SIDT1: variants seen among roughly 807,000 people sequenced by gnomAD.
SIDT1 encodes the protein SID1 transmembrane family, member 1.
A neutral mutation model predicts 107.5 loss-of-function variants in SIDT1; 101 were observed. The ratio of observed to expected loss-of-function variants is 0.94; its 90% CI spans 0.80 to 1.11. The LOEUF (loss-of-function observed/expected upper bound fraction) is 1.11, where lower values mean the gene tolerates loss of function less well. SIDT1 is among the 50% of genes least tolerant of loss of function. The probability of loss-of-function intolerance (pLI) is 0.00; values close to 1 mark genes in which losing one functional copy is unlikely to be tolerated. For missense variants in SIDT1, 1,076 were observed against 1,058.2 expected, an observed-to-expected ratio of 1.02 and a Z score of -0.23; for synonymous variants, 395 against 398.2, an observed-to-expected ratio of 0.99 and a Z score of 0.10.
intron 1 of SIDT1, among the ~76,000 whole-genome samples, chr3:113,543,216 C>T (rs1939148436): frequency 6.6e-6 from 1 of 152,230 alleles, no homozygotes; most frequent in East Asian, 1.9e-4. Context: ...GCTGAGATTA[C>T]AGGTGTGAGC....
intron 19 of SIDT1, chr3:113,612,477 G>A: frequency 1.9e-6 from 1 of 514,036 alleles, no homozygotes; most frequent in Non-Finnish European, 3.8e-6. Context: ...ACACTTTACA[G>A]TCTGCCAAAC....
intron 9 of SIDT1, chr3:113,592,660 T>C (rs993812427): frequency 1.1e-5 from 3 of 262,598 alleles, no homozygotes. Context: ...TGATCTCAGC[T>C]CACTGCAACC....
At chr3:113,593,176 T>A (rs1944299033) in intron 10 of SIDT1, 128 bp downstream of exon 10, 3 of 816,464 alleles carry the variant, frequency 3.7e-6, no homozygotes, top group South Asian at 2.8e-5. Flanking sequence ...TCCCGCAGAG[T>A]AGTCTAGCCT....
intron 9 of SIDT1, chr3:113,592,691 A>C: frequency 3.3e-6 from 1 of 302,434 alleles, no homozygotes; most frequent in Non-Finnish European, 6.4e-6. Flanking sequence ...GGGTTCAAGC[A>C]ATTCTCCTGC....
intron 9 of SIDT1, among the ~76,000 whole-genome samples, chr3:113,589,477 C>T (rs1202707379): frequency 6.6e-6 from 1 of 151,806 alleles, no homozygotes; most frequent in East Asian, 1.9e-4. Flanking sequence ...GGAACTTCAC[C>T]ACAGCCTCTT....
chr3:113,585,238 A>G lies in SIDT1; in HGVS notation c.969A>G (p.Gly323=). Residue 323 remains glycine, a synonymous_variant, in exon 9 of 25, where the codon GGA becomes GGG. Transcript: ENST00000264852. ...TCATCTTCCTGTCCTTCTACTTGGG[A>G]TGCCTTCTTGTTGGGTTTGTTCATT... ...SVFIFLSFYL[G]CLLVGFVHYL... 6.2e-7 allele frequency: 1 copy of G among 1,613,268 alleles called. No homozygotes were observed.
chr3:113,617,526 T>C (rs368272499), intron 20 of SIDT1, among the ~76,000 whole-genome samples: 99 of 152,260 alleles, frequency 6.5e-4, no homozygotes, highest in African/African-American at 2.3e-3. Flanking sequence ...CATCAGAATA[T>C]TTTTGCTAAA....
At chr3:113,576,508 A>T (rs1942911179) in intron 3 of SIDT1, among the ~76,000 whole-genome samples, 2 of 152,144 alleles carry the variant, frequency 1.3e-5, no homozygotes, top group African/African-American at 2.4e-5. Flanking sequence ...ATTATTTTGA[A>T]ATGTATCTAC....
chr3:113,629,148 C>A lies in SIDT1; in HGVS notation c.*1440C>A, dbSNP rs770001505. On this transcript the variant is annotated 3_prime_UTR_variant, in exon 25 of 25. Transcript: ENST00000264852. Reference sequence around the variant, plus strand: ...TCAGGCATTTTTTTAAATTATTATTCTTTCTCTAAACTATTTGCATTGTGT... The same window carrying A: ...TCAGGCATTTTTTTAAATTATTATTATTTCTCTAAACTATTTGCATTGTGT... 6.6e-6 allele frequency: 1 copy of A among 152,182 alleles called. No homozygotes were observed. Among genetic ancestry groups the A allele is most frequent in the East Asian group, 1.9e-4 (1 of 5,198 alleles). The allele number at this position is 152,182 out of a possible 1,614,324, so 9.4% of individuals were successfully genotyped here. A position where few individuals can be genotyped will look rare whatever the true frequency, so the allele number is the denominator to read the frequency against.
chr3:113,533,949 A>T (rs1168646167), intron 1 of SIDT1, among the ~76,000 whole-genome samples: 1 of 152,220 alleles, frequency 6.6e-6, no homozygotes, highest in African/African-American at 2.4e-5. Flanking sequence ...AAGGAGGGAA[A>T]AATGTTCCAG....
At chr3:113,618,956 C>T (rs1946283694) in intron 20 of SIDT1, among the ~76,000 whole-genome samples, 1 of 152,182 alleles carries the variant, frequency 6.6e-6, no homozygotes, top group Non-Finnish European at 1.5e-5. Flanking sequence ...TCTCAAGAAG[C>T]TAGGACTACA....
chr3:113,566,595 C>G (rs758146668), intron 2 of SIDT1, 54 bp downstream of exon 2: 17 of 1,573,216 alleles, frequency 1.1e-5, no homozygotes, highest in Admixed American at 5.5e-5. Context: ...CTTCAATGTC[C>G]TAGAACTTAA....
At chr3:113,583,520 G>A (rs370105908) in intron 7 of SIDT1, 24 bp downstream of exon 7, 119 of 1,523,212 alleles carry the variant, frequency 7.8e-5, no homozygotes, top group Non-Finnish European at 6.8e-5. Context: ...AGGAACACTT[G>A]GCTGCTTAGC....
At chr3:113,539,578 A>G (rs1199128346) in intron 1 of SIDT1, among the ~76,000 whole-genome samples, 1 of 152,218 alleles carries the variant, frequency 6.6e-6, no homozygotes, top group Non-Finnish European at 1.5e-5. Flanking sequence ...TATGACTTCC[A>G]ATTCAAATTC....
chr3:113,534,974 C>T (rs965422046), intron 1 of SIDT1, among the ~76,000 whole-genome samples: 2 of 152,148 alleles, frequency 1.3e-5, no homozygotes, highest in African/African-American at 4.8e-5. Flanking sequence ...CAGTGAATGG[C>T]ACATAAGAGG....
At position 113,601,375 on chromosome 3, in the gene SIDT1, G is replaced by A. The variant is rs185503485; in HGVS notation, c.1046-213G>A. 108 of 412,460 alleles carry A rather than the reference G, an allele frequency of 2.6e-4. 1 individual carries two copies. Among genetic ancestry groups the A allele is most frequent in the African/African-American group, 2.1e-3 (104 of 48,772 alleles). 25.6% of individuals were successfully genotyped at this position (412,460 alleles called of 1,614,324 possible). A position where few individuals can be genotyped will look rare whatever the true frequency, so the allele number is the denominator to read the frequency against. On this transcript the variant is annotated intron_variant, in intron 10 of 24. Transcript: ENST00000264852. ...TGGATTTTTTCCCCAGTCATTTAAA[G>A]GTTTGAAAACTAATCTTAGTTGAAG... is the stretch of plus-strand genomic sequence containing the variant.
chr3:113,620,847 T>G (rs1946419568), intron 21 of SIDT1, among the ~76,000 whole-genome samples: 1 of 152,194 alleles, frequency 6.6e-6, no homozygotes, highest in Non-Finnish European at 1.5e-5. Flanking sequence ...AACCTTTGAC[T>G]ATGATTCCAG....
Position 113,580,625 on chromosome 3 carries a change from T to C in SIDT1, c.579T>C (p.Phe193=). The C allele has an allele frequency of 6.2e-7, 1 of 1,606,468 alleles. No homozygotes were observed. The highest frequency in any genetic ancestry group is 1.1e-5 in the South Asian group (1 of 90,908). ...PSQPQYFLYK[F]PKDVDSVIIK... ...ATTCTCAGTATTTTCTATACAAGTTTCCCAAAGACGTGGACTCAGTTATCA... is the reference window on the plus strand; with the variant it reads ...ATTCTCAGTATTTTCTATACAAGTTCCCCAAAGACGTGGACTCAGTTATCA... Residue 193 remains phenylalanine, a synonymous_variant, in exon 5 of 25, where the codon TTT becomes TTC. Coordinates refer to ENST00000264852, the MANE Select transcript of SIDT1 (RefSeq NM_017699.3).
intron 3 of SIDT1, among the ~76,000 whole-genome samples, chr3:113,569,087 C>T (rs375784660): frequency 2.2e-5 from 3 of 137,596 alleles, no homozygotes; most frequent in African/African-American, 8.3e-5. Flanking sequence ...TGCAGTGAGC[C>T]GAGATCATGC....
Sources: gnomAD v4.1 joint callset for allele counts (sites outside exome capture counted in the v4.1 genomes callset) on GRCh38, gnomAD v4.1.1 for gene constraint, MANE v1.5 for transcripts, NCBI Gene and HGNC (gene_info 2026-07-23, HGNC 2026-07-21) for gene names.